Variants in CSPP1 observed in about 807,000 individuals in gnomAD.
CSPP1 encodes the protein centrosome and spindle pole associated protein 1, also known as centrosome and spindle pole-associated protein 1.
In CSPP1, 126 loss-of-function variants were observed where a neutral mutation model predicts 164.4. That is an observed-to-expected ratio of 0.77 (90% confidence interval 0.66 to 0.89). The LOEUF is 0.89. CSPP1 is among the 40% of genes least tolerant of loss of function. The probability of loss-of-function intolerance (pLI) is 0.00; values close to 1 mark genes in which losing one functional copy is unlikely to be tolerated. For missense variants in CSPP1, 1,395 were observed against 1,449.8 expected, an observed-to-expected ratio of 0.96 and a Z score of 0.61; for synonymous variants, 472 against 476.7, an observed-to-expected ratio of 0.99 and a Z score of 0.13.
rs1172369424 is a variant in CSPP1, at chr8:67,159,509, CTTTTTTTTTTTTT to C, written c.2538+389_2538+401del. 7.4e-4 allele frequency among the ~76,000 whole-genome samples: 36 copies of C among 48,916 alleles called. No individual in the cohort carries two copies. The East Asian group carries it at 0.013, about 18-fold the overall frequency. The allele number at this position is 48,916 out of a possible 152,430, so 32.1% of individuals were successfully genotyped here. ...GTTTATATATATATATATATGTATT[CTTTTTTTTTTTTT>C]TTTTTTTTTTTTTTTTGAGACATAA... On this transcript the variant is annotated intron_variant, in intron 21 of 30. Coordinates refer to ENST00000678616, the MANE Select transcript of CSPP1 (RefSeq NM_001382391.1).
At chr8:67,127,186 T>G (rs1224750488) in intron 15 of CSPP1, among the ~76,000 whole-genome samples, 1 of 152,220 alleles carries the variant, frequency 6.6e-6, no homozygotes, top group African/African-American at 2.4e-5. Flanking sequence ...CCTGGGATTG[T>G]TCCAAGCCTT....
intron 24 of CSPP1, among the ~76,000 whole-genome samples, chr8:67,167,696 A>G (rs1413735670): frequency 2.7e-5 from 4 of 148,786 alleles, no homozygotes; most frequent in African/African-American, 5.0e-5. Flanking sequence ...CACATCCCAG[A>G]TGGGGTGGCG....
At chr8:67,172,085 G>A (rs1460300188) in intron 24 of CSPP1, among the ~76,000 whole-genome samples, 2 of 151,506 alleles carry the variant, frequency 1.3e-5, no homozygotes, top group Non-Finnish European at 2.9e-5. Flanking sequence ...CTGACCTCAG[G>A]TGATCCACCT....
In CSPP1 at chr8:67,064,487, G is replaced by C; in HGVS notation, c.-62G>C. The stretch of plus-strand genomic sequence containing the variant: ...TGTGTGTCTCCCCGGACGCGAGCCC[G>C]CTCCCCTGAGTAAGAGTCAGCCAGC... On this transcript the variant is annotated 5_prime_UTR_variant, in exon 1 of 31. Coordinates refer to ENST00000678616, the MANE Select transcript of CSPP1 (RefSeq NM_001382391.1). 1 of 1,613,716 alleles carries C rather than the reference G, an allele frequency of 6.2e-7. No homozygotes were observed. The highest frequency in any genetic ancestry group is 8.5e-7 in the Non-Finnish European group (1 of 1,179,878).
chr8:67,177,943 C>G (rs1267563864), intron 27 of CSPP1, among the ~76,000 whole-genome samples: 2 of 152,094 alleles, frequency 1.3e-5, no homozygotes, highest in African/African-American at 2.4e-5. Flanking sequence ...CTAGGCTGTT[C>G]CAGTGAGTCT....
At chr8:67,171,401 A>C (rs934641278) in intron 24 of CSPP1, among the ~76,000 whole-genome samples, 1 of 151,742 alleles carries the variant, frequency 6.6e-6, no homozygotes, top group Non-Finnish European at 1.5e-5. Flanking sequence ...CTCCACCTCA[A>C]AAAAAGAGAC....
chr8:67,137,870 G>A (rs1822674889), intron 17 of CSPP1, among the ~76,000 whole-genome samples: 2 of 152,080 alleles, frequency 1.3e-5, no homozygotes, highest in African/African-American at 4.8e-5. Context: ...CATGTTAGTT[G>A]ATAAGTTTTT....
At chr8:67,070,386 C>A (rs1806476058) in intron 1 of CSPP1, among the ~76,000 whole-genome samples, 1 of 151,078 alleles carries the variant, frequency 6.6e-6, no homozygotes, top group Admixed American at 6.6e-5. Context: ...TGGCATGACC[C>A]CGGGAGGTGG....
At chr8:67,167,396 TGCC>T (rs1829566556) in intron 24 of CSPP1, among the ~76,000 whole-genome samples, 2 of 143,108 alleles carry the variant, frequency 1.4e-5, no homozygotes, top group South Asian at 4.6e-4. Flanking sequence ...GGGCGGGGGC[TGCC>T]CCCCACCTCC....
intron 24 of CSPP1, among the ~76,000 whole-genome samples, chr8:67,165,419 A>C (rs1313285539): frequency 1.3e-5 from 2 of 152,110 alleles, no homozygotes; most frequent in Non-Finnish European, 2.9e-5. Flanking sequence ...CTATGAACTA[A>C]ATTTGAGACT....
At chr8:67,092,023 G>A (rs1225557678) in intron 5 of CSPP1, 140 bp downstream of exon 5, 4 of 260,118 alleles carry the variant, frequency 1.5e-5, no homozygotes, top group Non-Finnish European at 3.1e-5. Flanking sequence ...TCAAAAATCC[G>A]TGGAGTCATA....
At chr8:67,163,920 C>G in intron 23 of CSPP1, 122 bp downstream of exon 23, 1 of 680,434 alleles carries the variant, frequency 1.5e-6, no homozygotes, top group Non-Finnish European at 2.5e-6. Flanking sequence ...GCTGTGTACC[C>G]ATTCTCCAAC....
intron 24 of CSPP1, 146 bp from the exon 25 acceptor site, chr8:67,172,270 A>G (rs1482515823): frequency 6.8e-5 from 39 of 574,134 alleles, no homozygotes; most frequent in Non-Finnish European, 9.1e-6. Context: ...CTGGGATTAC[A>G]AGTGTGAGCC....
intron 25 of CSPP1, chr8:67,172,797 T>C (rs1360340354): frequency 2.7e-6 from 1 of 370,940 alleles, no homozygotes; most frequent in Non-Finnish European, 4.9e-6. Context: ...CTGGAATGGA[T>C]GAGATCGCAT....
intron 30 of CSPP1, 56 bp from the exon 31 acceptor site, chr8:67,195,326 A>G: frequency 1.8e-6 from 2 of 1,083,632 alleles, no homozygotes; most frequent in Non-Finnish European, 2.9e-6. Flanking sequence ...ACCTGCGCTT[A>G]TGTCTCCTGC....
chr8:67,090,672 G>A (rs76116469), intron 4 of CSPP1, among the ~76,000 whole-genome samples: 8,148 of 152,238 alleles, frequency 0.054, 296 homozygotes, highest in Middle Eastern at 0.11. Flanking sequence ...TAGTTAATAC[G>A]TTGTTTTGCG....
chr8:67,146,234 C>T (rs1224962833), intron 17 of CSPP1, among the ~76,000 whole-genome samples: 1 of 151,632 alleles, frequency 6.6e-6, no homozygotes, highest in South Asian at 2.1e-4. Flanking sequence ...GTGATCTTCC[C>T]GCCTCAGCTC....
At chr8:67,091,520 C>T (rs920095624) in intron 4 of CSPP1, among the ~76,000 whole-genome samples, 1 of 152,046 alleles carries the variant, frequency 6.6e-6, no homozygotes, top group Non-Finnish European at 1.5e-5. Flanking sequence ...AATTTTTTTT[C>T]ATGCTTCTAA....
At chr8:67,172,371 A>G (rs765782646) in intron 24 of CSPP1, 45 bp from the exon 25 acceptor site, 12 of 1,525,116 alleles carry the variant, frequency 7.9e-6, no homozygotes, top group Admixed American at 5.3e-5. Flanking sequence ...GAACTCACCT[A>G]TTTTTCCTGT....
Sources: allele counts gnomAD v4.1 joint callset (sites outside exome capture counted in the v4.1 genomes callset), GRCh38; gene constraint gnomAD v4.1.1; transcripts MANE v1.5; gene names NCBI Gene and HGNC (gene_info 2026-07-23, HGNC 2026-07-21).